ANP32E: variants seen among roughly 807,000 people sequenced by gnomAD.
ANP32E encodes the protein acidic nuclear phosphoprotein 32 family member E.
ANP32E carries 14 observed loss-of-function variants against 35.3 expected under a neutral mutation model. The ratio of observed to expected loss-of-function variants is 0.40; its 90% confidence interval spans 0.26 to 0.62. The LOEUF (loss-of-function observed/expected upper bound fraction) is 0.62, where lower values mean the gene tolerates loss of function less well. Ranked by LOEUF, ANP32E falls within the 20% of genes least tolerant of loss-of-function variation. ANP32E has a pLI of 0.45. For missense variants in ANP32E, 198 were observed against 304.4 expected (o/e 0.65, Z 2.60); for synonymous variants, 89 against 110.4 (o/e 0.81, Z 1.22).
At chr1:150,231,161 A>C (rs587677205) in intron 2 of ANP32E, among the ~76,000 whole-genome samples, 2 of 152,350 alleles carry the variant, frequency 1.3e-5, no homozygotes, top group Admixed American at 1.3e-4. Flanking sequence ...CTGCCAAATA[A>C]TGTATTAGAA....
intron 1 of ANP32E, among the ~76,000 whole-genome samples, chr1:150,234,305 A>AT (rs1649598587): frequency 2.3e-5 from 3 of 131,074 alleles, no homozygotes; most frequent in Non-Finnish European, 3.3e-5. Context: ...TGGTTTTTTT[A>AT]TTTTTTTCCT....
At chr1:150,233,914 G>C (rs1411857321) in intron 1 of ANP32E, among the ~76,000 whole-genome samples, 1 of 151,942 alleles carries the variant, frequency 6.6e-6, no homozygotes, top group African/African-American at 2.4e-5. Context: ...CTGAGGAGTG[G>C]GGGCTACTAG....
In ANP32E at chr1:150,219,955, C is replaced by G. The variant is rs1412107911; in HGVS notation, c.*736G>C. The G allele has an allele frequency of 3.9e-5, 6 of 152,020 alleles. No individual in the cohort carries two copies. Among genetic ancestry groups the G allele is most frequent in the African/African-American group, 1.4e-4 (6 of 41,392 alleles). 9.4% of individuals were successfully genotyped at this position (152,020 alleles called of 1,614,324 possible). A position where few individuals can be genotyped will look rare whatever the true frequency, so the allele number is the denominator to read the frequency against. ...AAGAAAAAGAATGCACACCTAAAAA[C>G]AAAATAAACAACCATCGGCATGTCA... On this transcript the variant is annotated 3_prime_UTR_variant, in exon 7 of 7. Coordinates refer to ENST00000583931, the MANE Select transcript of ANP32E (RefSeq NM_030920.5).
At chr1:150,220,815 G>T in intron 6 of ANP32E, 54 bp from the exon 7 acceptor site, 3 of 1,499,806 alleles carry the variant, frequency 2.0e-6, no homozygotes. Flanking sequence ...AATGAGGATT[G>T]GTTACATTTT....
intron 6 of ANP32E, among the ~76,000 whole-genome samples, chr1:150,221,397 C>G (rs2101755057): frequency 6.9e-6 from 1 of 143,998 alleles, no homozygotes; most frequent in East Asian, 2.0e-4. Context: ...CGAGATTGCA[C>G]CACTGCACTC....
At position 150,235,578 on chromosome 1, in the gene ANP32E, T is replaced by C. The variant is rs1297235289; in HGVS notation, c.54+155A>G. Among the ~76,000 whole-genome samples, 1 of 152,178 alleles carries C rather than the reference T, an allele frequency of 6.6e-6. No individual in the cohort carries two copies. Among genetic ancestry groups the C allele is most frequent in the Non-Finnish European group, 1.5e-5 (1 of 68,036 alleles). On this transcript the variant is annotated intron_variant, in intron 1 of 6. Coordinates refer to ENST00000583931, the MANE Select transcript of ANP32E (RefSeq NM_030920.5). This position sits in a 1 kb window ranked among gnomAD's most constrained non-coding sequence, Gnocchi z 4.2. ...CATTTTAAGTAGAAGATTTTAATGA[T>C]TTAAAACTTAAAATTAAACATTTCC...
intron 4 of ANP32E, among the ~76,000 whole-genome samples, chr1:150,227,862 A>G (rs895965196): frequency 1.0e-4 from 15 of 149,982 alleles, no homozygotes; most frequent in African/African-American, 3.6e-4. Flanking sequence ...ACTAACAGCT[A>G]TTCTGTCATC....
intron 5 of ANP32E, 110 bp from the exon 6 acceptor site, chr1:150,223,350 G>T: frequency 7.2e-7 from 1 of 1,379,556 alleles, no homozygotes; most frequent in Non-Finnish European, 9.9e-7. Context: ...TCTGTGTTTT[G>T]ACAACCTCTG....
chr1:150,226,505 A>C, intron 5 of ANP32E, 103 bp downstream of exon 5: 1 of 1,419,730 alleles, frequency 7.0e-7, no homozygotes, highest in South Asian at 1.4e-5. Context: ...GCACACCCAC[A>C]ACTTAGAAAC....
intron 3 of ANP32E, 76 bp from the exon 4 acceptor site, chr1:150,229,313 T>TC: frequency 9.8e-7 from 1 of 1,023,276 alleles, no homozygotes; most frequent in Non-Finnish European, 1.4e-6. Context: ...TTTTTTTTTT[T>TC]TTTTGAGACG....
intron 5 of ANP32E, 163 bp from the exon 6 acceptor site, chr1:150,223,403 G>A (rs587727112): frequency 8.8e-6 from 8 of 909,542 alleles, no homozygotes; most frequent in African/African-American, 3.4e-5. Context: ...CTAAAGGGCC[G>A]GGCGCGGTGG....
chr1:150,232,480 T>TTC (rs1348772824), intron 1 of ANP32E, among the ~76,000 whole-genome samples: 1 of 25,168 alleles, frequency 4.0e-5, no homozygotes, highest in Admixed American at 6.4e-4. Flanking sequence ...TTTTCTTTTT[T>TTC]TTTTTTTGTA....
In ANP32E at chr1:150,235,562, TAGA is replaced by T. The variant is rs1649713192; in HGVS notation, c.54+168_54+170del. Among the ~76,000 whole-genome samples, 2 of 152,184 alleles carry T rather than the reference TAGA, an allele frequency of 1.3e-5. No individual in the cohort carries two copies. The highest frequency in any genetic ancestry group is 4.8e-5 in the African/African-American group (2 of 41,456). ...AACTTCAACCCTTCGCCATTTTAAG[TAGA>T]AGATTTTAATGATTTAAAACTTAAA... On this transcript the variant is annotated intron_variant, in intron 1 of 6. Coordinates refer to ENST00000583931, the MANE Select transcript of ANP32E (RefSeq NM_030920.5). The surrounding 1 kb of genome is among the most constrained non-coding windows in gnomAD (Gnocchi z 4.2).
At position 150,233,389 on chromosome 1, in the gene ANP32E, A is replaced by G. The variant is rs144861134; in HGVS notation, c.55-1463T>C. Among the ~76,000 whole-genome samples, 352 of 151,740 alleles carry G rather than the reference A, an allele frequency of 2.3e-3. 4 individuals carry two copies. The Middle Eastern group carries it at 0.034, about 15-fold the overall frequency. Reference sequence around the variant, plus strand: ...ACTCAAAAAATCCTCCTTACCCTTTATGAAGAAACGTTAGAAAGCTCTTCT... The same window carrying G: ...ACTCAAAAAATCCTCCTTACCCTTTGTGAAGAAACGTTAGAAAGCTCTTCT... On this transcript the variant is annotated intron_variant, in intron 1 of 6. Coordinates refer to ENST00000583931, the MANE Select transcript of ANP32E (RefSeq NM_030920.5).
chr1:150,223,408 C>A (rs1482426986), intron 5 of ANP32E, 168 bp from the exon 6 acceptor site: 1 of 818,002 alleles, frequency 1.2e-6, no homozygotes, highest in African/African-American at 1.8e-5. Flanking sequence ...GGGCCGGGCG[C>A]GGTGGCTCAC....
rs782751276 is a variant in ANP32E at position 150,235,792 on chromosome 1, C to A, written c.-6G>T. The A allele has an allele frequency of 1.3e-6, 2 of 1,588,552 alleles. No homozygotes were observed. The highest frequency in any genetic ancestry group is 1.7e-6 in the Non-Finnish European group (2 of 1,164,230). On this transcript the variant is annotated 5_prime_UTR_variant, in exon 1 of 7. Coordinates refer to ENST00000583931, the MANE Select transcript of ANP32E (RefSeq NM_030920.5). The surrounding 1 kb of genome is among the most constrained non-coding windows in gnomAD (Gnocchi z 4.2). ...ATCTTCTTCTTCATCTCCATGTCCTCCTCTTGCTCTTCAGCTACTACTCTC... is the reference window on the plus strand; with the variant it reads ...ATCTTCTTCTTCATCTCCATGTCCTACTCTTGCTCTTCAGCTACTACTCTC...
chr1:150,223,596 G>GC (rs1648614022), intron 5 of ANP32E, among the ~76,000 whole-genome samples: 1 of 142,228 alleles, frequency 7.0e-6, no homozygotes, highest in African/African-American at 2.6e-5. Flanking sequence ...CAGGAGAATC[G>GC]CAAGAACCTC....
In ANP32E at chr1:150,224,706, G is replaced by A. The variant is rs372381181; in HGVS notation, c.682-1466C>T. On this transcript the variant is annotated intron_variant, in intron 5 of 6. Transcript: ENST00000583931. The stretch of plus-strand genomic sequence containing the variant: ...CATCAGCAAATATGTGTCATTGATC[G>A]TTTATATTATGTATCTAACCAATGC... Among the ~76,000 whole-genome samples, 310 of 151,962 alleles carry A rather than the reference G, an allele frequency of 2.0e-3. 5 individuals carry two copies. In the South Asian group the frequency reaches 0.06, roughly 29 times the overall value.
At chr1:150,234,035 G>A (rs1201572845) in intron 1 of ANP32E, among the ~76,000 whole-genome samples, 3 of 152,138 alleles carry the variant, frequency 2.0e-5, no homozygotes, top group Non-Finnish European at 1.5e-5. Flanking sequence ...AAGTACGTAA[G>A]GAGGAAAGTA....
Sources: allele counts gnomAD v4.1 joint callset (sites outside exome capture counted in the v4.1 genomes callset), GRCh38; gene constraint gnomAD v4.1.1; non-coding constraint Gnocchi (gnomAD v3.1); transcripts MANE v1.5; gene names NCBI Gene and HGNC (gene_info 2026-07-23, HGNC 2026-07-21).